Variants in DOCK2 observed in about 807,000 individuals in gnomAD.
DOCK2 encodes dedicator of cytokinesis 2, also known as dedicator of cytokinesis protein 2.
In DOCK2, 87 loss-of-function variants were observed where a neutral mutation model predicts 248.9. The observed-to-expected ratio is 0.35, with a 90% CI of 0.29 to 0.42. The LOEUF (loss-of-function observed/expected upper bound fraction) is 0.42, where lower values mean the gene tolerates loss of function less well. Among genes scored for constraint, DOCK2 ranks in the 10% least tolerant of loss-of-function variants. The probability of loss-of-function intolerance (pLI) is 1.00; values close to 1 mark genes in which losing one functional copy is unlikely to be tolerated. For missense variants in DOCK2, 1,747 were observed against 2,300.2 expected (o/e 0.76, Z 4.92); for synonymous variants, 805 against 821.6 (o/e 0.98, Z 0.35).
chr5:169,922,156 G>T (rs1775210666), intron 27 of DOCK2, among the ~76,000 whole-genome samples: 1 of 152,176 alleles, frequency 6.6e-6, no homozygotes, highest in Non-Finnish European at 1.5e-5. Context: ...ATCAATATTT[G>T]CATAGCTAGG....
rs140122768 is a variant in DOCK2, at chr5:169,928,513, C to T, written c.2800-54555C>T. On this transcript the variant is annotated intron_variant, in intron 27 of 51. Transcript: ENST00000520908. ...TGCTGCTGAGAGTGAATCCAAGTTA[C>T]GGGAGTAACCTTGCTGAGCAGGAGG... Among the ~76,000 whole-genome samples the T allele has an allele frequency of 3.8e-3, 575 of 152,286 alleles. 1 individual carries two copies. Among genetic ancestry groups the T allele is most frequent in the Middle Eastern group, 0.017 (5 of 294 alleles).
intron 22 of DOCK2, among the ~76,000 whole-genome samples, chr5:169,721,858 A>G (rs116142692): frequency 0.01 from 1,555 of 152,332 alleles, 19 homozygotes; most frequent in African/African-American, 0.035. Flanking sequence ...TAGCCAAAGA[A>G]AGAAGAGAGT....
At chr5:169,916,265 G>A (rs574206463) in intron 27 of DOCK2, among the ~76,000 whole-genome samples, 73 of 152,266 alleles carry the variant, frequency 4.8e-4, no homozygotes, top group African/African-American at 1.7e-3. Flanking sequence ...ATAATTCTAG[G>A]TGTGTTTGTC....
At chr5:169,782,562 C>T (rs554991271) in intron 25 of DOCK2, among the ~76,000 whole-genome samples, 1 of 151,380 alleles carries the variant, frequency 6.6e-6, no homozygotes, top group South Asian at 2.1e-4. Flanking sequence ...CCACAGAATG[C>T]CTGCTGTGTG....
intron 2 of DOCK2, among the ~76,000 whole-genome samples, chr5:169,654,976 T>C (rs1200970441): frequency 6.6e-6 from 1 of 152,356 alleles, no homozygotes; most frequent in East Asian, 1.9e-4. Flanking sequence ...GGCATCTCTT[T>C]CTTTCTCCTA....
intron 26 of DOCK2, among the ~76,000 whole-genome samples, chr5:169,824,616 A>T (rs1264492605): frequency 6.6e-6 from 1 of 152,248 alleles, no homozygotes; most frequent in Non-Finnish European, 1.5e-5. Flanking sequence ...TTATACAAAA[A>T]TTAATTCAAG....
chr5:169,996,057 C>A, intron 29 of DOCK2, 29 bp from the exon 30 acceptor site: 2 of 1,610,594 alleles, frequency 1.2e-6, no homozygotes, highest in Admixed American at 3.3e-5. Flanking sequence ...CATGCTCAGA[C>A]AGTCTGGTAA....
intron 27 of DOCK2, among the ~76,000 whole-genome samples, chr5:169,941,257 G>A (rs529539177): frequency 6.6e-6 from 1 of 152,302 alleles, no homozygotes; most frequent in Admixed American, 6.5e-5. Context: ...TGCCCAGGCT[G>A]GAATGCAATG....
intron 1 of DOCK2, among the ~76,000 whole-genome samples, chr5:169,651,809 C>T (rs930887745): frequency 1.3e-5 from 2 of 152,158 alleles, no homozygotes; most frequent in Non-Finnish European, 2.9e-5. Flanking sequence ...GCCTCAGCAT[C>T]CCCCGAGGGC....
intron 49 of DOCK2, 90 bp downstream of exon 49, chr5:170,079,236 C>T: frequency 6.7e-7 from 1 of 1,489,228 alleles, no homozygotes; most frequent in East Asian, 2.5e-5. Context: ...CAGATATGGG[C>T]TTCCTGAAGC....
At chr5:169,642,779 G>T (rs1189740558) in intron 1 of DOCK2, among the ~76,000 whole-genome samples, 2 of 152,164 alleles carry the variant, frequency 1.3e-5, no homozygotes, top group Non-Finnish European at 2.9e-5. Flanking sequence ...TTAGGCAGTG[G>T]ACATCTTGCC....
intron 25 of DOCK2, among the ~76,000 whole-genome samples, chr5:169,784,026 TC>T (rs1765851618): frequency 6.6e-6 from 1 of 152,236 alleles, no homozygotes; most frequent in African/African-American, 2.4e-5. Flanking sequence ...CCAATTTAAA[TC>T]AGTGTCTTGC....
intron 26 of DOCK2, among the ~76,000 whole-genome samples, chr5:169,835,219 T>G (rs1327607554): frequency 6.6e-6 from 1 of 151,328 alleles, no homozygotes; most frequent in Admixed American, 6.6e-5. Context: ...GAAGGATGCA[T>G]GTGCCTCATG....
At chr5:169,754,454 A>G (rs262859) in intron 23 of DOCK2, among the ~76,000 whole-genome samples, 134,980 of 152,226 alleles carry the variant, frequency 0.89, 59,916 homozygotes, top group East Asian at 0.98. Context: ...CCTAATTAGC[A>G]AGATAGCATT....
At chr5:169,944,112 A>G (rs1776354632) in intron 27 of DOCK2, among the ~76,000 whole-genome samples, 1 of 152,186 alleles carries the variant, frequency 6.6e-6, no homozygotes, top group Non-Finnish European at 1.5e-5. Context: ...AACACTAACC[A>G]TGGCTCCCTT....
At chr5:170,016,707 G>T (rs890394536) in intron 32 of DOCK2, among the ~76,000 whole-genome samples, 1 of 152,170 alleles carries the variant, frequency 6.6e-6, no homozygotes, top group African/African-American at 2.4e-5. Flanking sequence ...GTATTCTAAA[G>T]GCCTTTGTTG....
intron 27 of DOCK2, among the ~76,000 whole-genome samples, chr5:169,858,005 C>T (rs975589547): frequency 1.3e-5 from 2 of 152,032 alleles, no homozygotes; most frequent in Non-Finnish European, 2.9e-5. Context: ...TAGATTTATA[C>T]CATATATCAT....
At chr5:169,703,288 A>G (rs1452495386) in intron 14 of DOCK2, among the ~76,000 whole-genome samples, 3 of 152,200 alleles carry the variant, frequency 2.0e-5, no homozygotes, top group African/African-American at 7.2e-5. Flanking sequence ...TGGGGCCTGG[A>G]GATCAGACTG....
intron 26 of DOCK2, among the ~76,000 whole-genome samples, chr5:169,828,167 T>C (rs1768993059): frequency 6.6e-6 from 1 of 152,192 alleles, no homozygotes; most frequent in South Asian, 2.1e-4. Flanking sequence ...AGGATACAAA[T>C]TCACTCCTTA....
Sources: gnomAD v4.1 joint callset for allele counts (sites outside exome capture counted in the v4.1 genomes callset) on GRCh38, gnomAD v4.1.1 for gene constraint, MANE v1.5 for transcripts, NCBI Gene and HGNC (gene_info 2026-07-23, HGNC 2026-07-21) for gene names.